Variants in ITGA9 observed in about 807,000 individuals in gnomAD.
The protein encoded by ITGA9 is integrin subunit alpha 9.
In ITGA9, 56 loss-of-function variants were observed where a neutral mutation model predicts 127.8. That is an observed-to-expected ratio of 0.44 (90% confidence interval 0.35 to 0.55). ITGA9 has a LOEUF of 0.55. Among genes scored for constraint, ITGA9 ranks in the 20% least tolerant of loss-of-function variants. The pLI, the probability that ITGA9 is intolerant of heterozygous loss-of-function variation, is 0.00. For missense variants in ITGA9, 1,196 were observed against 1,347.1 expected, an observed-to-expected ratio of 0.89 and a Z score of 1.76; for synonymous variants, 508 against 514.5, an observed-to-expected ratio of 0.99 and a Z score of 0.17.
At chr3:37,499,419 A>C (rs1698766417) in intron 5 of ITGA9, among the ~76,000 whole-genome samples, 1 of 152,224 alleles carries the variant, frequency 6.6e-6, no homozygotes, top group African/African-American at 2.4e-5. Context: ...TCTGCTAATA[A>C]ATGCATCTTG....
chr3:37,524,913 A>T (rs1436007947), intron 12 of ITGA9, among the ~76,000 whole-genome samples: 4 of 152,248 alleles, frequency 2.6e-5, no homozygotes, highest in Admixed American at 2.6e-4. Flanking sequence ...ATTTTTAAAC[A>T]TATAGCAAAT....
chr3:37,537,292 A>C (rs1370921351), intron 14 of ITGA9, among the ~76,000 whole-genome samples: 2 of 151,946 alleles, frequency 1.3e-5, no homozygotes, highest in Non-Finnish European at 2.9e-5. Flanking sequence ...TGCTGGGATA[A>C]GCTGCTAGGA....
intron 15 of ITGA9, among the ~76,000 whole-genome samples, chr3:37,555,195 A>G (rs1050016478): frequency 6.6e-6 from 1 of 152,230 alleles, no homozygotes; most frequent in African/African-American, 2.4e-5. Context: ...GCCCCTGTAA[A>G]GAGCCTCCAG....
chr3:37,765,956 C>A (rs188956528), intron 23 of ITGA9, among the ~76,000 whole-genome samples: 4 of 152,318 alleles, frequency 2.6e-5, no homozygotes, highest in Admixed American at 2.6e-4. Flanking sequence ...TGCGTAGGTG[C>A]CTGGTGTTTT....
intron 3 of ITGA9, among the ~76,000 whole-genome samples, chr3:37,473,782 A>T (rs1171883533): frequency 8.5e-5 from 13 of 152,230 alleles, no homozygotes; most frequent in African/African-American, 1.4e-4. Context: ...TTAAGATTAC[A>T]GTCTTGATTT....
chr3:37,668,625 C>A (rs1012777038), intron 17 of ITGA9, among the ~76,000 whole-genome samples: 1 of 152,194 alleles, frequency 6.6e-6, no homozygotes, highest in East Asian at 1.9e-4. Flanking sequence ...CCGGCACAGG[C>A]TTGTTACTGT....
intron 1 of ITGA9, among the ~76,000 whole-genome samples, chr3:37,459,435 C>T (rs1415749024): frequency 2.6e-5 from 4 of 152,208 alleles, no homozygotes; most frequent in African/African-American, 9.7e-5. Flanking sequence ...TAAGCTCACA[C>T]AGTGAAAGGG....
chr3:37,633,689 A>G (rs532495081), intron 16 of ITGA9, among the ~76,000 whole-genome samples: 1 of 152,308 alleles, frequency 6.6e-6, no homozygotes, highest in South Asian at 2.1e-4. Context: ...AGTCTCAAGA[A>G]TAGCTGGTAG....
chr3:37,629,100 A>G lies in ITGA9; in HGVS notation c.1690-87A>G, dbSNP rs1297390220. 1.4e-6 allele frequency: 2 copies of G among 1,467,126 alleles called. No individual in the cohort carries two copies. Among genetic ancestry groups the G allele is most frequent in the South Asian group, 1.1e-5 (1 of 87,506 alleles). The allele number at this position is 1,467,126 out of a possible 1,614,324, so 90.9% of individuals were successfully genotyped here. On this transcript the variant is annotated intron_variant, in intron 15 of 27. Transcript: ENST00000264741. This position sits in a 1 kb window ranked among gnomAD's most constrained non-coding sequence, Gnocchi z 4.5. ...TTGTGAGGATTATATGAGGCAATTC[A>G]TGTAGAAGGTCTTTGTAAACTGTGA...
rs76558954 is a variant in ITGA9 at position 37,542,361 on chromosome 3, A to G, written c.1529-64A>G. On this transcript the variant is annotated intron_variant, in intron 14 of 27. Transcript: ENST00000264741. ...GTGCATGTGATCCTGTGACAAGGAA[A>G]AGAGGTGGCCTCATCACAGTGTGTC... The G allele has an allele frequency of 2.5e-4, 391 of 1,564,082 alleles. No individual in the cohort carries two copies. In the East Asian group the frequency reaches 7.8e-3, roughly 31 times the overall value.
At chr3:37,779,511 G>C (rs1329080600) in intron 24 of ITGA9, among the ~76,000 whole-genome samples, 1 of 152,126 alleles carries the variant, frequency 6.6e-6, no homozygotes, top group Non-Finnish European at 1.5e-5. Context: ...AAGTATATTT[G>C]CCACTACACA....
intron 5 of ITGA9, among the ~76,000 whole-genome samples, chr3:37,495,279 T>C (rs545346895): frequency 6.6e-6 from 1 of 152,276 alleles, no homozygotes; most frequent in African/African-American, 2.4e-5. Flanking sequence ...CACACAACTC[T>C]AACCATTCCT....
intron 18 of ITGA9, among the ~76,000 whole-genome samples, chr3:37,697,106 T>C (rs941862912): frequency 1.3e-5 from 2 of 152,052 alleles, no homozygotes; most frequent in Non-Finnish European, 2.9e-5. Context: ...AGAGAATATG[T>C]CTGTATACAA....
chr3:37,452,629 C>G lies in ITGA9; in HGVS notation c.185+70C>G. On this transcript the variant is annotated intron_variant, in intron 1 of 27. Coordinates refer to ENST00000264741, the MANE Select transcript of ITGA9 (RefSeq NM_002207.3). The surrounding 1 kb of genome is among the most constrained non-coding windows in gnomAD (Gnocchi z 7.3). ...GCCCCGGCCCCCAGGCCAGCGCCGC[C>G]GCCGCCTTTCCGGTCTCTTCCACGC... 1 of 1,324,136 alleles carries G rather than the reference C, an allele frequency of 7.6e-7. No individual in the cohort carries two copies. The highest frequency in any genetic ancestry group is 9.9e-7 in the Non-Finnish European group (1 of 1,009,602). The allele number at this position is 1,324,136 out of a possible 1,614,324, so 82.0% of individuals were successfully genotyped here. A position where few individuals can be genotyped will look rare whatever the true frequency, so the allele number is the denominator to read the frequency against.
chr3:37,585,336 C>T (rs947337640), intron 15 of ITGA9, among the ~76,000 whole-genome samples: 8 of 152,168 alleles, frequency 5.3e-5, no homozygotes, highest in African/African-American at 1.9e-4. Flanking sequence ...CTGGCCTCTA[C>T]ATCACTAAAT....
At chr3:37,779,655 G>A (rs1696951625) in intron 24 of ITGA9, among the ~76,000 whole-genome samples, 1 of 152,256 alleles carries the variant, frequency 6.6e-6, no homozygotes, top group South Asian at 2.1e-4. Flanking sequence ...CCAATTCTTG[G>A]TAGGATAAAT....
chr3:37,627,520 G>A (rs775981702), intron 15 of ITGA9, among the ~76,000 whole-genome samples: 2 of 152,178 alleles, frequency 1.3e-5, no homozygotes, highest in African/African-American at 2.4e-5. Flanking sequence ...GACTACCACC[G>A]CTTACTTGGA....
At chr3:37,746,468 A>G (rs1224798236) in intron 22 of ITGA9, among the ~76,000 whole-genome samples, 1 of 152,248 alleles carries the variant, frequency 6.6e-6, no homozygotes, top group African/African-American at 2.4e-5. Flanking sequence ...AAAATAATGC[A>G]GATATTACAC....
intron 16 of ITGA9, among the ~76,000 whole-genome samples, chr3:37,651,285 G>C (rs1700426910): frequency 6.6e-6 from 1 of 152,204 alleles, no homozygotes; most frequent in Non-Finnish European, 1.5e-5. Context: ...CAAGGAAAAT[G>C]AGTCTTTACA....
Sources: gnomAD v4.1 joint callset for allele counts (sites outside exome capture counted in the v4.1 genomes callset) on GRCh38, gnomAD v4.1.1 for gene constraint, Gnocchi (gnomAD v3.1) non-coding constraint, MANE v1.5 for transcripts, NCBI Gene and HGNC (gene_info 2026-07-23, HGNC 2026-07-21) for gene names.